Variants in P2RX3 observed in about 807,000 individuals in gnomAD.
P2RX3 encodes the protein P2X purinoceptor 3.
A neutral mutation model predicts 51.5 loss-of-function variants in P2RX3; 41 were observed. The observed-to-expected ratio is 0.80, with a 90% CI of 0.62 to 1.03. The LOEUF (loss-of-function observed/expected upper bound fraction) is 1.03. Ranked by LOEUF, P2RX3 falls within the 50% of genes least tolerant of loss-of-function variation. The probability of loss-of-function intolerance (pLI) is 0.00; values close to 1 mark genes in which losing one functional copy is unlikely to be tolerated. For synonymous variants in P2RX3, 185 were observed against 191.6 expected, an observed-to-expected ratio of 0.97 and a Z score of 0.29; for missense variants, 459 against 522.1, an observed-to-expected ratio of 0.88 and a Z score of 1.18.
intron 1 of P2RX3, among the ~76,000 whole-genome samples, chr11:57,345,021 G>T (rs1420563287): frequency 6.6e-6 from 1 of 152,212 alleles, no homozygotes. Flanking sequence ...TGCCAGGTGA[G>T]CAACATGCTG....
intron 1 of P2RX3, among the ~76,000 whole-genome samples, chr11:57,339,865 T>G (rs1185861474): frequency 6.6e-6 from 1 of 152,064 alleles, no homozygotes; most frequent in East Asian, 1.9e-4. Context: ...TGGCTAGATG[T>G]GACTTTTTAG....
chr11:57,343,886 C>T (rs1856386134), intron 1 of P2RX3, among the ~76,000 whole-genome samples: 1 of 152,160 alleles, frequency 6.6e-6, no homozygotes, highest in African/African-American at 2.4e-5. Flanking sequence ...CTGCAGGGCC[C>T]CAGGCTGTGA....
chr11:57,338,576 C>A lies in P2RX3; in HGVS notation c.26C>A (p.Thr9Asn). The A allele has an allele frequency of 6.3e-7, 1 of 1,594,318 alleles. No homozygotes were observed. The highest frequency in any genetic ancestry group is 1.1e-5 in the South Asian group (1 of 90,270). Residue 9 changes from threonine to asparagine, a missense_variant, in exon 1 of 12, where the codon ACC becomes AAC. Transcript: ENST00000263314. ...ATGAACTGCATATCCGACTTCTTCA[C>A]CTATGAGACCACCAAGTCGGTGGTT... The part of the protein sequence containing the change: MNCISDFF[T>N]YETTKSVVVK...
At chr11:57,340,102 G>C (rs1010538863) in intron 1 of P2RX3, among the ~76,000 whole-genome samples, 10 of 152,212 alleles carry the variant, frequency 6.6e-5, no homozygotes, top group African/African-American at 2.4e-4. Context: ...CTCAAAGTTG[G>C]TTCCTAAATG....
At chr11:57,349,714 T>G in intron 6 of P2RX3, 43 bp from the exon 7 acceptor site, 1 of 1,612,830 alleles carries the variant, frequency 6.2e-7, no homozygotes, top group Non-Finnish European at 8.5e-7. Flanking sequence ...AAGACGATCT[T>G]CCCATGAACC....
At chr11:57,354,870 T>C (rs1022091895) in intron 8 of P2RX3, among the ~76,000 whole-genome samples, 2 of 152,216 alleles carry the variant, frequency 1.3e-5, no homozygotes, top group Admixed American at 6.5e-5. Flanking sequence ...ATAAAGGGAC[T>C]GTTTCAAAGG....
chr11:57,343,512 G>A (rs1856378978), intron 1 of P2RX3, among the ~76,000 whole-genome samples: 1 of 152,160 alleles, frequency 6.6e-6, no homozygotes, highest in African/African-American at 2.4e-5. Context: ...TTGCAATCCT[G>A]GGCAAGTTAG....
rs201919096 is a variant in P2RX3 at position 57,368,004 on chromosome 11, T to C, written c.843-5T>C. The C allele has an allele frequency of 7.9e-5, 127 of 1,613,506 alleles. No individual in the cohort carries two copies. The African/African-American group carries it at 1.5e-3, about 19-fold the overall frequency. On this transcript the variant is annotated splice_polypyrimidine_tract_variant and splice_region_variant and intron_variant, in intron 8 of 11. Transcript: ENST00000263314. Reference sequence around the variant, plus strand: ...GAGGGACCCATCTCTGCCTCTGACCTCCAGGTTTGCCAAGTACTACAAAAT... The same window carrying C: ...GAGGGACCCATCTCTGCCTCTGACCCCCAGGTTTGCCAAGTACTACAAAAT...
Position 57,353,104 on chromosome 11 carries a change from G to C in P2RX3, c.842+2206G>C, listed in dbSNP as rs1246231326. ...CTACTGGCACCCAAGGCTAAGCTAA[G>C]AGCCCACGTGTGGGAGGCTGCAAAG... On this transcript the variant is annotated intron_variant, in intron 8 of 11. Transcript: ENST00000263314. 2.0e-5 allele frequency among the ~76,000 whole-genome samples: 3 copies of C among 152,200 alleles called. No individual in the cohort carries two copies. The East Asian group carries it at 5.8e-4, about 29-fold the overall frequency.
intron 8 of P2RX3, among the ~76,000 whole-genome samples, chr11:57,366,754 G>A (rs1395266479): frequency 6.6e-6 from 1 of 152,200 alleles, no homozygotes; most frequent in African/African-American, 2.4e-5. Flanking sequence ...GGGGACTGCA[G>A]TCTCGGGCGC....
At position 57,343,345 on chromosome 11, in the gene P2RX3, A is replaced by T. The variant is rs1190201453; in HGVS notation, c.120-3199A>T. Reference sequence around the variant, plus strand: ...CTTTCCTAAGCCAGGAGATGCTTTCACTGGTGATGGAGCAGGAGCTGGTAG... The same window carrying T: ...CTTTCCTAAGCCAGGAGATGCTTTCTCTGGTGATGGAGCAGGAGCTGGTAG... On this transcript the variant is annotated intron_variant, in intron 1 of 11. Transcript: ENST00000263314. 3.9e-5 allele frequency among the ~76,000 whole-genome samples: 6 copies of T among 152,264 alleles called. No individual in the cohort carries two copies. In the East Asian group the frequency reaches 7.7e-4, roughly 20 times the overall value.
intron 4 of P2RX3, 88 bp downstream of exon 4, chr11:57,347,566 C>T (rs1856462799): frequency 2.2e-6 from 3 of 1,362,620 alleles, no homozygotes; most frequent in African/African-American, 2.9e-5. Flanking sequence ...GAGTGGGAAC[C>T]AGCCTGTTCC....
chr11:57,349,756 G>A lies in P2RX3; in HGVS notation c.564-1G>A. ...TGACCTCTCTCTCTGCTCCTCCCCA[G>A]GGGAAACCTCCTTCCCAACCTGACA... On this transcript the variant is annotated splice_acceptor_variant, in intron 6 of 11. Transcript: ENST00000263314. LOFTEE classifies it high-confidence loss of function. 1 of 1,614,064 alleles carries A rather than the reference G, an allele frequency of 6.2e-7. No homozygotes were observed. The highest frequency in any genetic ancestry group is 8.5e-7 in the Non-Finnish European group (1 of 1,179,982).
Position 57,354,349 on chromosome 11 carries a change from A to T in P2RX3, c.842+3451A>T, listed in dbSNP as rs1181823285. Among the ~76,000 whole-genome samples, 7 of 152,220 alleles carry T rather than the reference A, an allele frequency of 4.6e-5. No individual in the cohort carries two copies. In the East Asian group the frequency reaches 1.4e-3, roughly 29 times the overall value. On this transcript the variant is annotated intron_variant, in intron 8 of 11. Transcript: ENST00000263314. ...GCTAAAGACTCCGTGGGCCGCTTTA[A>T]CTTAGTATTTTTATGAAGCCTCTTT...
chr11:57,369,016 A>G (rs1484816801), intron 10 of P2RX3, among the ~76,000 whole-genome samples: 2 of 152,000 alleles, frequency 1.3e-5, no homozygotes, highest in African/African-American at 4.8e-5. Flanking sequence ...TCTCTTCCTC[A>G]TCTTATAAAG....
At chr11:57,337,041 T>TA (rs1467777400), upstream of P2RX3, among the ~76,000 whole-genome samples, 2 of 152,098 alleles carry the variant, frequency 1.3e-5, no homozygotes, top group Non-Finnish European at 2.9e-5. Flanking sequence ...CCTGTAATCC[T>TA]AGCACTTGGG....
chr11:57,369,324 G>T, intron 10 of P2RX3, 37 bp from the exon 11 acceptor site: 1 of 1,595,772 alleles, frequency 6.3e-7, no homozygotes, highest in Non-Finnish European at 8.6e-7. Context: ...CCAACCCAGG[G>T]CACCCCTCGG....
chr11:57,354,061 T>G (rs1162065782), intron 8 of P2RX3, among the ~76,000 whole-genome samples: 1 of 152,012 alleles, frequency 6.6e-6, no homozygotes, highest in Non-Finnish European at 1.5e-5. Context: ...TACGGACCCA[T>G]GTAAGAGATT....
chr11:57,344,268 C>T (rs1191976938), intron 1 of P2RX3, among the ~76,000 whole-genome samples: 2 of 152,090 alleles, frequency 1.3e-5, no homozygotes, highest in Non-Finnish European at 2.9e-5. Flanking sequence ...GAATTCAAGC[C>T]AGTAATACTA....
Sources: gnomAD v4.1 joint callset for allele counts (sites outside exome capture counted in the v4.1 genomes callset) on GRCh38, gnomAD v4.1.1 for gene constraint, MANE v1.5 for transcripts, NCBI Gene and HGNC (gene_info 2026-07-23, HGNC 2026-07-21) for gene names.